Variants in BPIFB6 observed in about 807,000 individuals in gnomAD.
The protein encoded by BPIFB6 is BPI fold containing family B member 6, also known as BPI fold-containing family B member 6.
In BPIFB6, 47 loss-of-function variants were observed where a neutral mutation model predicts 54.7. The ratio of observed to expected loss-of-function variants is 0.86; its 90% CI spans 0.68 to 1.10. BPIFB6 has a LOEUF of 1.10. BPIFB6 is among the 50% of genes least tolerant of loss of function. BPIFB6 has a pLI of 0.00. For synonymous variants in BPIFB6, 255 were observed against 225.9 expected, an observed-to-expected ratio of 1.13 and a Z score of -1.16; for missense variants, 603 against 564.1, an observed-to-expected ratio of 1.07 and a Z score of -0.70.
Position 33,036,318 on chromosome 20 carries a change from G to GAAGTGCT in BPIFB6, c.578-123_578-117dup, listed in dbSNP as rs1341265117. On this transcript the variant is annotated intron_variant, in intron 6 of 14. Coordinates refer to ENST00000349552, the MANE Select transcript of BPIFB6 (RefSeq NM_174897.2). The stretch of plus-strand genomic sequence containing the variant: ...CTACAGATGAAGTTACAGAGGCCCA[G>GAAGTGCT]AAGTGCTAAGGAATTTGCCTTGAGT... 11 of 729,010 alleles carry GAAGTGCT rather than the reference G, an allele frequency of 1.5e-5. No individual in the cohort carries two copies. The East Asian group carries it at 2.7e-4, about 18-fold the overall frequency. The allele number at this position is 729,010 out of a possible 1,614,324, so 45.2% of individuals were successfully genotyped here. A position where few individuals can be genotyped will look rare whatever the true frequency, so the allele number is the denominator to read the frequency against.
At chr20:33,039,093 C>A in intron 9 of BPIFB6, 131 bp downstream of exon 9, 1 of 1,178,638 alleles carries the variant, frequency 8.5e-7, no homozygotes, top group Non-Finnish European at 1.2e-6. Flanking sequence ...AACATCTTTT[C>A]TTCTTTATAA....
intron 12 of BPIFB6, 34 bp from the exon 13 acceptor site, chr20:33,042,781 T>G (rs773022237): frequency 2.5e-6 from 4 of 1,597,968 alleles, no homozygotes; most frequent in Non-Finnish European, 3.4e-6. Flanking sequence ...TTGGACTGAA[T>G]GGAATGTGGA....
intron 12 of BPIFB6, 125 bp from the exon 13 acceptor site, chr20:33,042,690 A>G: frequency 1.1e-6 from 1 of 889,520 alleles, no homozygotes; most frequent in South Asian, 1.7e-5. Flanking sequence ...TGCCAGCTGG[A>G]CAAACCATTT....
In BPIFB6 at chr20:33,034,245, G is replaced by A. The variant is rs779872125; in HGVS notation, c.257G>A (p.Gly86Asp). 10 of 1,614,106 alleles carry A rather than the reference G, an allele frequency of 6.2e-6. No homozygotes were observed. ...VITLNFVPGV[G>D]IFQCVSTGMT... The stretch of plus-strand genomic sequence containing the variant: ...ACACTGAACTTTGTACCTGGAGTGG[G>A]CATCTTCCAATGTGTGTCCACAGGC... The change falls in exon 3 of 15, where the codon GGC (glycine) becomes GAC (aspartate). Residue 86 changes from glycine to aspartate, a missense_variant. By Grantham distance (94) the Gly-to-Asp change is moderately conservative. Coordinates refer to ENST00000349552, the MANE Select transcript of BPIFB6 (RefSeq NM_174897.2).
intron 1 of BPIFB6, 73 bp downstream of exon 1, chr20:33,031,817 T>C (rs1388514700): frequency 4.9e-6 from 6 of 1,233,560 alleles, no homozygotes; most frequent in Non-Finnish European, 5.9e-6. Flanking sequence ...GTCACTGCTC[T>C]TGGTTGCACA....
At chr20:33,034,329 G>A in intron 3 of BPIFB6, 39 bp downstream of exon 3, 1 of 1,397,552 alleles carries the variant, frequency 7.2e-7, no homozygotes, top group Non-Finnish European at 1.0e-6. Flanking sequence ...GAGGAGAACG[G>A]CCTTCCTGTC....
chr20:33,035,241 C>A, intron 5 of BPIFB6, 97 bp downstream of exon 5: 1 of 1,254,704 alleles, frequency 8.0e-7, no homozygotes, highest in Non-Finnish European at 1.1e-6. Flanking sequence ...CCCTGATTGA[C>A]TGATAGTGGC....
Position 33,031,715 on chromosome 20 carries a change from T to A in BPIFB6, c.68T>A (p.Leu23Gln), listed in dbSNP as rs753217564. 5 of 1,614,092 alleles carry A rather than the reference T, an allele frequency of 3.1e-6. No homozygotes were observed. The highest frequency in any genetic ancestry group is 1.3e-5 in the African/African-American group (1 of 75,064). Reference sequence around the variant, plus strand: ...GGCACGCGAGCTGACCCTGGGGCACTGCTGCGGTTGGGCATGGACATCATG... The same window carrying A: ...GGCACGCGAGCTGACCCTGGGGCACAGCTGCGGTTGGGCATGGACATCATG... Reference protein sequence around the residue: ...LTGTRADPGALLRLGMDIMNQ... With the variant: ...LTGTRADPGAQLRLGMDIMNQ... Residue 23 changes from leucine to glutamine, a missense_variant, in exon 1 of 15, where the codon CTG becomes CAG. By Grantham distance (113) the Leu-to-Gln change is moderately radical. Coordinates refer to ENST00000349552, the MANE Select transcript of BPIFB6 (RefSeq NM_174897.2).
intron 7 of BPIFB6, among the ~76,000 whole-genome samples, chr20:33,037,215 C>A (rs183375841): frequency 1.3e-5 from 2 of 152,314 alleles, no homozygotes; most frequent in Admixed American, 1.3e-4. Flanking sequence ...TTCTTACACG[C>A]CCCGTGTCGA....
At chr20:33,032,246 C>G (rs931256728) in intron 1 of BPIFB6, among the ~76,000 whole-genome samples, 4 of 152,200 alleles carry the variant, frequency 2.6e-5, no homozygotes, top group Non-Finnish European at 5.9e-5. Context: ...ATCCCCCACT[C>G]CACTAGCACA....
rs763036483 is a variant in BPIFB6 at position 33,043,971 on chromosome 20, G to A, written c.1330-44G>A. ...AGTTCCATTCCATCCCTGGGCCTAG[G>A]TGGTCCCTGGTCATTGCTCTCCTAC... On this transcript the variant is annotated intron_variant, in intron 14 of 14. Transcript: ENST00000349552. 8 of 1,611,848 alleles carry A rather than the reference G, an allele frequency of 5.0e-6. No individual in the cohort carries two copies. The Admixed American group carries it at 1.2e-4, about 24-fold the overall frequency.
chr20:33,033,744 G>A (rs1979203495), intron 2 of BPIFB6: 1 of 438,624 alleles, frequency 2.3e-6, no homozygotes, highest in Non-Finnish European at 4.7e-6. Flanking sequence ...CGGGGACTGG[G>A]GGAATGCTAC....
chr20:33,033,375 TTGAA>T, intron 2 of BPIFB6: 1 of 511,356 alleles, frequency 2.0e-6, no homozygotes, highest in Non-Finnish European at 3.8e-6. Context: ...CATGAACTCA[TTGAA>T]TGTACGTGAA....
chr20:33,043,375 G>A lies in BPIFB6; in HGVS notation c.1329+8G>A. 6.2e-7 allele frequency: 1 copy of A among 1,613,564 alleles called. No homozygotes were observed. Among genetic ancestry groups the A allele is most frequent in the South Asian group, 1.1e-5 (1 of 91,040 alleles). Reference sequence around the variant, plus strand: ...GAGCTGGACATAGTAGAGGTGAGAGGAGGGGCTAGGGGAGGTCATGTCAAT... The same window carrying A: ...GAGCTGGACATAGTAGAGGTGAGAGAAGGGGCTAGGGGAGGTCATGTCAAT... On this transcript the variant is annotated splice_region_variant and intron_variant, in intron 14 of 14. Transcript: ENST00000349552.
At chr20:33,042,767 G>T (rs748061600) in intron 12 of BPIFB6, 48 bp from the exon 13 acceptor site, 15 of 1,543,016 alleles carry the variant, frequency 9.7e-6, no homozygotes, top group East Asian at 2.3e-5. Context: ...TCTGTTGAAT[G>T]GTATTGGACT....
Position 33,036,528 on chromosome 20 carries a change from G to T in BPIFB6, c.661G>T (p.Asp221Tyr). ...PATTASYIQLDFSPVVQQQKG... is the reference protein window; with the variant it reads ...PATTASYIQLYFSPVVQQQKG... The stretch of plus-strand genomic sequence containing the variant: ...CACCACAGCCAGCTACATCCAACTG[G>T]ACTTCAGTGTAAGCGCCTAGGGCCA... The change falls in exon 7 of 15, where the codon GAC becomes TAC. Residue 221 changes from aspartate to tyrosine, a missense_variant. Transcript: ENST00000349552. The T allele has an allele frequency of 6.2e-7, 1 of 1,614,158 alleles. No homozygotes were observed. Among genetic ancestry groups the T allele is most frequent in the Non-Finnish European group, 8.5e-7 (1 of 1,179,992 alleles).
intron 1 of BPIFB6, among the ~76,000 whole-genome samples, 174 bp downstream of exon 1, chr20:33,031,918 A>T (rs2070312): frequency 0.35 from 53,951 of 152,042 alleles, 10,389 homozygotes; most frequent in East Asian, 0.74. Flanking sequence ...CAAGGACCAG[A>T]GAAAATGGGA....
intron 1 of BPIFB6, among the ~76,000 whole-genome samples, chr20:33,032,184 G>A (rs142221886): frequency 3.9e-5 from 6 of 152,312 alleles, no homozygotes; most frequent in African/African-American, 9.6e-5. Context: ...GTCCCTAGCA[G>A]GATAGAATAA....
chr20:33,043,404 C>A, intron 14 of BPIFB6, 37 bp downstream of exon 14: 1 of 1,573,598 alleles, frequency 6.4e-7, no homozygotes, highest in Non-Finnish European at 8.7e-7. Context: ...TGTCAATCAA[C>A]ACTGTCAGCC....
Sources: gnomAD v4.1 joint callset for allele counts (sites outside exome capture counted in the v4.1 genomes callset) on GRCh38, gnomAD v4.1.1 for gene constraint, MANE v1.5 for transcripts, NCBI Gene and HGNC (gene_info 2026-07-23, HGNC 2026-07-21) for gene names.